The following MTUS2 variants were observed in gnomAD, a reference collection of about 807,000 sequenced individuals.
MTUS2 encodes microtubule associated scaffold protein 2.
Under a neutral mutation model 114.1 loss-of-function variants are expected in MTUS2, and 40 were observed. That is an observed-to-expected ratio of 0.35 (90% CI 0.27 to 0.46). The LOEUF (loss-of-function observed/expected upper bound fraction) is 0.46. MTUS2 is among the 20% of genes least tolerant of loss of function. The pLI, the probability that MTUS2 is intolerant of heterozygous loss-of-function variation, is 1.00. For missense variants in MTUS2, 1,679 were observed against 1,705.4 expected, an observed-to-expected ratio of 0.98 and a Z score of 0.27; for synonymous variants, 688 against 672.0, an observed-to-expected ratio of 1.02 and a Z score of -0.37.
At chr13:29,107,386 T>C (rs993653733) in intron 5 of MTUS2, among the ~76,000 whole-genome samples, 3 of 152,142 alleles carry the variant, frequency 2.0e-5, no homozygotes, top group African/African-American at 7.2e-5. Flanking sequence ...CTTTTTCTCT[T>C]ATGTAAGGGT....
intron 2 of MTUS2, among the ~76,000 whole-genome samples, chr13:28,937,904 G>A (rs1881997590): frequency 6.6e-6 from 1 of 152,078 alleles, no homozygotes; most frequent in African/African-American, 2.4e-5. Context: ...CGGAGCTTTG[G>A]TACCCTCACT....
intron 5 of MTUS2, among the ~76,000 whole-genome samples, chr13:29,145,542 C>T (rs1193097478): frequency 6.6e-6 from 1 of 152,016 alleles, no homozygotes; most frequent in Non-Finnish European, 1.5e-5. Flanking sequence ...ATAAATATGA[C>T]TATGTCAACA....
At chr13:28,948,558 C>G (rs76358107) in intron 2 of MTUS2, among the ~76,000 whole-genome samples, 2,852 of 152,250 alleles carry the variant, frequency 0.019, 85 homozygotes, top group African/African-American at 0.064. Context: ...AATTAGTCTT[C>G]TTGATTTCTA....
intron 7 of MTUS2, among the ~76,000 whole-genome samples, chr13:29,355,447 C>A (rs1869658909): frequency 6.6e-6 from 1 of 152,114 alleles, no homozygotes; most frequent in Non-Finnish European, 1.5e-5. Context: ...GAGTATGCAC[C>A]CAAACCAGCG....
chr13:28,840,550 T>TC, intron 2 of MTUS2, among the ~76,000 whole-genome samples: 1 of 152,196 alleles, frequency 6.6e-6, no homozygotes, highest in East Asian at 1.9e-4. Context: ...ATATGAATAA[T>TC]CAAATTACCC....
At chr13:29,070,219 C>T (rs982943834) in intron 4 of MTUS2, among the ~76,000 whole-genome samples, 24 of 152,122 alleles carry the variant, frequency 1.6e-4, no homozygotes, top group African/African-American at 5.1e-4. Context: ...CTTTGTTTAC[C>T]TTCTCAAATG....
chr13:29,161,878 C>T (rs935879349), intron 5 of MTUS2, among the ~76,000 whole-genome samples: 2 of 152,206 alleles, frequency 1.3e-5, no homozygotes, highest in Non-Finnish European at 2.9e-5. Flanking sequence ...AATGCCTGCT[C>T]AGTGGCTGAT....
intron 8 of MTUS2, among the ~76,000 whole-genome samples, chr13:29,422,535 G>C (rs756970469): frequency 2.0e-5 from 3 of 151,774 alleles, no homozygotes; most frequent in Non-Finnish European, 2.9e-5. Flanking sequence ...AATGTTTGTT[G>C]CTACTTCAAT....
At position 29,100,979 on chromosome 13, in the gene MTUS2, G is replaced by A; in HGVS notation, c.2644+9G>A. 1 of 1,536,916 alleles carries A rather than the reference G, an allele frequency of 6.5e-7. No homozygotes were observed. The highest frequency in any genetic ancestry group is 2.4e-5 in the East Asian group (1 of 41,374). ...GGGCCGGCCAGCCACCCGTAAGTGG[G>A]GTGGGGCAGGGTGGGGTGCCTTCAC... is the stretch of plus-strand genomic sequence containing the variant. On this transcript the variant is annotated intron_variant, in intron 5 of 15. Coordinates refer to ENST00000612955, the MANE Select transcript of MTUS2 (RefSeq NM_001033602.4).
chr13:29,137,567 GTTCTTTCTTC>G (rs936960297), intron 5 of MTUS2, among the ~76,000 whole-genome samples: 1 of 150,874 alleles, frequency 6.6e-6, no homozygotes. Context: ...TTTCTTCTTT[GTTCTTTCTTC>G]TTCTTTCTTC....
rs770922189 is a variant in MTUS2, at chr13:29,025,165, G to A, written c.467G>A (p.Arg156Gln). The change falls in exon 3 of 16, where the codon CGG (arginine) becomes CAG (glutamine). Residue 156 changes from arginine to glutamine, a missense_variant. Arg to Gln is a conservative substitution (Grantham distance 43). Around this residue, in one of 3 missense-constraint regions of MTUS2, gnomAD observed 843 missense variants for 770.8 expected, o/e 1.09. Transcript: ENST00000612955. The part of the protein sequence containing the change: ...VLAKRDAEIP[R>Q]HVPKDKLAKT... The stretch of plus-strand genomic sequence containing the variant: ...GCTAAAAGGGATGCTGAAATTCCCC[G>A]GCATGTTCCCAAGGATAAACTGGCA... The A allele has an allele frequency of 1.1e-5, 17 of 1,613,786 alleles. No homozygotes were observed. The highest frequency in any genetic ancestry group is 1.6e-4 in the Middle Eastern group (1 of 6,084).
chr13:29,299,106 G>A (rs554186739), intron 6 of MTUS2, among the ~76,000 whole-genome samples: 3 of 152,278 alleles, frequency 2.0e-5, no homozygotes, highest in East Asian at 3.9e-4. Context: ...ATAAATATGA[G>A]CTCCATTTCT....
intron 9 of MTUS2, among the ~76,000 whole-genome samples, chr13:29,447,733 C>CA (rs1194362028): frequency 6.6e-6 from 1 of 151,732 alleles, no homozygotes; most frequent in Non-Finnish European, 1.5e-5. Context: ...AAGGCTTCCC[C>CA]AGGTGGTGGT....
In MTUS2 at chr13:29,100,817, C is replaced by T; in HGVS notation, c.2491C>T (p.Leu831Phe). 1.3e-6 allele frequency: 2 copies of T among 1,551,666 alleles called. No individual in the cohort carries two copies. The highest frequency in any genetic ancestry group is 1.7e-6 in the Non-Finnish European group (2 of 1,147,002). ...ASSSNAAKSN[L>F]PKSGLRPPGY... ...CAGTTCAAATGCTGCAAAATCCAAT[C>T]TCCCGAAATCTGGTCTCCGTCCTCC... is the stretch of plus-strand genomic sequence containing the variant. The change falls in exon 5 of 16, where the codon CTC becomes TTC. Residue 831 changes from leucine to phenylalanine, a missense_variant. Coordinates refer to ENST00000612955, the MANE Select transcript of MTUS2 (RefSeq NM_001033602.4).
chr13:29,374,534 C>T (rs1871432635), intron 8 of MTUS2, among the ~76,000 whole-genome samples: 1 of 152,170 alleles, frequency 6.6e-6, no homozygotes. Context: ...AAGACAGTGG[C>T]ACATTTTCAA....
intron 2 of MTUS2, among the ~76,000 whole-genome samples, chr13:28,921,044 C>T (rs1881014372): frequency 6.6e-6 from 1 of 152,240 alleles, no homozygotes; most frequent in Non-Finnish European, 1.5e-5. Flanking sequence ...ATTCCCTACT[C>T]CACTGCAGCT....
chr13:29,251,134 T>G (rs1233730489), intron 5 of MTUS2, among the ~76,000 whole-genome samples: 3 of 152,168 alleles, frequency 2.0e-5, no homozygotes, highest in African/African-American at 7.2e-5. Flanking sequence ...TAGTGAAGAT[T>G]GCTGAGTGAA....
chr13:29,097,486 A>G (rs912926183), intron 4 of MTUS2, among the ~76,000 whole-genome samples: 8 of 152,170 alleles, frequency 5.3e-5, no homozygotes, highest in Non-Finnish European at 1.0e-4. Flanking sequence ...TAACATTTGT[A>G]TTTCTGTCAA....
chr13:29,256,026 A>G (rs1316189889), intron 5 of MTUS2, among the ~76,000 whole-genome samples: 1 of 152,234 alleles, frequency 6.6e-6, no homozygotes, highest in Non-Finnish European at 1.5e-5. Flanking sequence ...TAGGTGCTTA[A>G]TAAAAGAGTT....
Sources: gnomAD v4.1 joint callset for allele counts (sites outside exome capture counted in the v4.1 genomes callset) on GRCh38, gnomAD v4.1.1 for gene constraint, gnomAD v4.1.1 regional missense constraint, MANE v1.5 for transcripts, NCBI Gene and HGNC (gene_info 2026-07-23, HGNC 2026-07-21) for gene names.